Variants in LRP1B observed in about 807,000 individuals in gnomAD.
The protein encoded by LRP1B is LDL receptor related protein 1B.
LRP1B carries 217 observed loss-of-function variants against 556.6 expected under a neutral mutation model. That is an observed-to-expected ratio of 0.39 (90% confidence interval 0.35 to 0.44). The LOEUF is 0.44. Ranked by LOEUF, LRP1B falls within the 20% of genes least tolerant of loss-of-function variation. LRP1B has a pLI of 1.00. For synonymous variants in LRP1B, 2,047 were observed against 1,865.8 expected (o/e 1.10, Z -2.50); for missense variants, 5,053 against 5,620.8 (o/e 0.90, Z 3.23).
rs146967920 is a variant in LRP1B, at chr2:141,793,412, C to T, written c.205+16867G>A. On this transcript the variant is annotated intron_variant, in intron 2 of 90. Coordinates refer to ENST00000389484, the MANE Select transcript of LRP1B (RefSeq NM_018557.3). ...TTTTGTATAGTGCCTAAAGGCTAAA[C>T]ATGTCATTACTAGAATGAGAGTTTC... Among the ~76,000 whole-genome samples the T allele has an allele frequency of 2.5e-3, 381 of 152,000 alleles. 2 individuals are homozygous for T. The highest frequency in any genetic ancestry group is 0.014 in the Middle Eastern group (4 of 294).
Position 141,051,244 on chromosome 2 carries a change from A to T in LRP1B, c.1553-2022T>A, listed in dbSNP as rs181067505. Among the ~76,000 whole-genome samples the T allele has an allele frequency of 3.2e-3, 483 of 152,234 alleles. 2 individuals are homozygous for T. The highest frequency in any genetic ancestry group is 0.011 in the African/African-American group (467 of 41,560). On this transcript the variant is annotated intron_variant, in intron 10 of 90. Transcript: ENST00000389484. Reference sequence around the variant, plus strand: ...CGATCCCTCAAGCATATACAATCAGAAATACTATTTTACTCAGCAGTCCCA... The same window carrying T: ...CGATCCCTCAAGCATATACAATCAGTAATACTATTTTACTCAGCAGTCCCA...
chr2:142,050,314 A>G (rs1704410291), intron 1 of LRP1B, among the ~76,000 whole-genome samples: 1 of 152,160 alleles, frequency 6.6e-6, no homozygotes, highest in Non-Finnish European at 1.5e-5. Context: ...TATAACAAGT[A>G]TATTATCATT....
At chr2:141,836,043 A>C (rs1333692456) in intron 1 of LRP1B, among the ~76,000 whole-genome samples, 1 of 151,566 alleles carries the variant, frequency 6.6e-6, no homozygotes, top group Non-Finnish European at 1.5e-5. Flanking sequence ...TTCAGGACAC[A>C]TATAAACAAA....
At chr2:141,161,531 G>C (rs1680034061) in intron 7 of LRP1B, among the ~76,000 whole-genome samples, 1 of 152,098 alleles carries the variant, frequency 6.6e-6, no homozygotes, top group Non-Finnish European at 1.5e-5. Context: ...GAAATATTGT[G>C]AGACAATTCT....
intron 20 of LRP1B, among the ~76,000 whole-genome samples, chr2:140,926,239 T>C (rs1694882610): frequency 6.6e-6 from 1 of 152,096 alleles, no homozygotes; most frequent in Non-Finnish European, 1.5e-5. Flanking sequence ...TCTCTAATAA[T>C]GCACATACAC....
At chr2:141,043,157 C>G (rs1044970320) in intron 11 of LRP1B, among the ~76,000 whole-genome samples, 1 of 150,444 alleles carries the variant, frequency 6.6e-6, no homozygotes, top group African/African-American at 2.4e-5. Flanking sequence ...GAGTCGTGAT[C>G]ACACCACTGC....
intron 3 of LRP1B, among the ~76,000 whole-genome samples, chr2:141,355,635 T>C (rs1341212230): frequency 6.6e-6 from 1 of 152,144 alleles, no homozygotes; most frequent in Non-Finnish European, 1.5e-5. Context: ...GTTTGTAGCC[T>C]TCTTTTGTAC....
intron 3 of LRP1B, among the ~76,000 whole-genome samples, chr2:141,424,099 T>C (rs1680257978): frequency 6.8e-6 from 1 of 146,528 alleles, no homozygotes. Flanking sequence ...GAGTTAACTA[T>C]TACAAGCCTT....
At chr2:141,415,236 A>T (rs190793684) in intron 3 of LRP1B, among the ~76,000 whole-genome samples, 181 of 152,048 alleles carry the variant, frequency 1.2e-3, no homozygotes, top group African/African-American at 4.1e-3. Context: ...GATGGTCTGG[A>T]TCTCTTGACC....
chr2:140,990,942 T>G (rs1198729194), intron 16 of LRP1B, among the ~76,000 whole-genome samples: 1 of 152,176 alleles, frequency 6.6e-6, no homozygotes, highest in African/African-American at 2.4e-5. Context: ...AATGCGTGCA[T>G]TTCCAGTTAG....
intron 35 of LRP1B, among the ~76,000 whole-genome samples, chr2:140,728,397 A>G (rs1242055799): frequency 6.6e-6 from 1 of 152,198 alleles, no homozygotes; most frequent in Non-Finnish European, 1.5e-5. Context: ...AAAAGGACCA[A>G]TAACAGCTCC....
intron 21 of LRP1B, among the ~76,000 whole-genome samples, chr2:140,920,622 T>G (rs1694710945): frequency 2.0e-5 from 3 of 152,060 alleles, no homozygotes; most frequent in Admixed American, 2.0e-4. Context: ...TTTTAATGAC[T>G]GCAATGTTCA....
chr2:141,312,173 T>A (rs1686835587), intron 3 of LRP1B, among the ~76,000 whole-genome samples: 1 of 152,146 alleles, frequency 6.6e-6, no homozygotes, highest in Non-Finnish European at 1.5e-5. Context: ...GCTGCTTCCT[T>A]TTCTACCTCC....
At chr2:141,176,852 A>G (rs913952996) in intron 7 of LRP1B, among the ~76,000 whole-genome samples, 3 of 152,128 alleles carry the variant, frequency 2.0e-5, no homozygotes, top group Non-Finnish European at 4.4e-5. Flanking sequence ...GAGGCCTTTG[A>G]GATGTTAACC....
rs755689559 is a variant in LRP1B, at chr2:140,495,716, A to G, written c.8883T>C (p.Asp2961=). The change falls in exon 56 of 91, where the codon GAT becomes GAC. Residue 2961 remains aspartate (D), a synonymous_variant. Coordinates refer to ENST00000389484, the MANE Select transcript of LRP1B (RefSeq NM_018557.3). The part of the protein sequence containing the change: ...CKCWPGFQLK[D]DGKTCVDIDE... The stretch of plus-strand genomic sequence containing the variant: ...CAATGTCTACACATGTTTTGCCGTC[A>G]TCCTTCAGTTGGAATCCAGGCCAGC... The G allele has an allele frequency of 1.9e-6, 3 of 1,611,244 alleles. No homozygotes were observed. The highest frequency in any genetic ancestry group is 1.1e-5 in the South Asian group (1 of 90,998).
chr2:140,240,791 T>TCA (rs556077368), intron 87 of LRP1B, among the ~76,000 whole-genome samples: 173 of 151,040 alleles, frequency 1.1e-3, no homozygotes, highest in African/African-American at 3.8e-3. Context: ...TGAAAGTCTA[T>TCA]GAATTTTTCA....
intron 7 of LRP1B, among the ~76,000 whole-genome samples, chr2:141,115,439 T>C (rs920097813): frequency 6.7e-6 from 1 of 149,032 alleles, no homozygotes; most frequent in African/African-American, 2.5e-5. Flanking sequence ...CTTTGCAAAA[T>C]GAATAGGTTT....
At chr2:140,944,861 T>C (rs1277799262) in intron 20 of LRP1B, among the ~76,000 whole-genome samples, 1 of 152,108 alleles carries the variant, frequency 6.6e-6, no homozygotes, top group Admixed American at 6.6e-5. Context: ...AGGATGAGGA[T>C]TTCTAATCTC....
At chr2:141,868,720 C>A (rs1698490023) in intron 1 of LRP1B, among the ~76,000 whole-genome samples, 1 of 151,978 alleles carries the variant, frequency 6.6e-6, no homozygotes, top group South Asian at 2.1e-4. Context: ...GTATTTTTCC[C>A]CCTTATTTCT....
Sources: allele counts gnomAD v4.1 joint callset (sites outside exome capture counted in the v4.1 genomes callset), GRCh38; gene constraint gnomAD v4.1.1; transcripts MANE v1.5; gene names NCBI Gene and HGNC (gene_info 2026-07-23, HGNC 2026-07-21).